CSPP1: variants seen among roughly 807,000 people sequenced by gnomAD.
CSPP1 encodes the protein centrosome and spindle pole-associated protein 1.
In CSPP1, 126 loss-of-function variants were observed where a neutral mutation model predicts 164.4. The ratio of observed to expected loss-of-function variants is 0.77; its 90% CI spans 0.66 to 0.89. CSPP1 has a LOEUF of 0.89. Ranked by LOEUF, CSPP1 falls within the 40% of genes least tolerant of loss-of-function variation. The pLI, the probability that CSPP1 is intolerant of heterozygous loss-of-function variation, is 0.00. For missense variants in CSPP1, 1,395 were observed against 1,449.8 expected (o/e 0.96, Z 0.61); for synonymous variants, 472 against 476.7 (o/e 0.99, Z 0.13).
chr8:67,129,205 C>T (rs1471205120), intron 15 of CSPP1, among the ~76,000 whole-genome samples: 1 of 152,052 alleles, frequency 6.6e-6, no homozygotes, highest in Non-Finnish European at 1.5e-5. Flanking sequence ...GAAAAACTTA[C>T]ATCATGTATT....
intron 28 of CSPP1, among the ~76,000 whole-genome samples, chr8:67,184,021 T>G (rs1833725839): frequency 1.3e-5 from 2 of 151,996 alleles, no homozygotes; most frequent in African/African-American, 4.8e-5. Context: ...CCTGGCTAAT[T>G]TTTGTATTTT....
At chr8:67,111,287 A>G (rs1174324503) in intron 9 of CSPP1, among the ~76,000 whole-genome samples, 3 of 151,998 alleles carry the variant, frequency 2.0e-5, no homozygotes, top group Non-Finnish European at 4.4e-5. Flanking sequence ...AGAGGTTTGT[A>G]TTTTTTCCTG....
intron 22 of CSPP1, among the ~76,000 whole-genome samples, chr8:67,162,771 G>A (rs548817184): frequency 6.6e-6 from 1 of 152,290 alleles, no homozygotes; most frequent in South Asian, 2.1e-4. Flanking sequence ...AGGTGTGACA[G>A]CTTTATGATA....
intron 15 of CSPP1, among the ~76,000 whole-genome samples, chr8:67,126,152 T>A (rs1185626567): frequency 6.6e-6 from 1 of 152,204 alleles, no homozygotes; most frequent in Non-Finnish European, 1.5e-5. Flanking sequence ...TTTAGATACA[T>A]ATTTTTTAGT....
chr8:67,190,639 G>A lies in CSPP1; in HGVS notation c.3221-11G>A. 3 of 1,603,384 alleles carry A rather than the reference G, an allele frequency of 1.9e-6. No individual in the cohort carries two copies. The highest frequency in any genetic ancestry group is 2.6e-6 in the Non-Finnish European group (3 of 1,170,180). On this transcript the variant is annotated splice_polypyrimidine_tract_variant and intron_variant, in intron 28 of 30. Transcript: ENST00000678616. ...TATTAAGACTCCTTCTGCTTTTCGG[G>A]GTCCTCTTAGGGGCTTACGGTGAGA...
At chr8:67,125,821 CAT>C (rs1819942311) in intron 15 of CSPP1, among the ~76,000 whole-genome samples, 1 of 152,098 alleles carries the variant, frequency 6.6e-6, no homozygotes, top group African/African-American at 2.4e-5. Context: ...ATTTGGTAAA[CAT>C]TGTTTTCACA....
intron 3 of CSPP1, among the ~76,000 whole-genome samples, chr8:67,078,285 G>T (rs558499021): frequency 6.6e-6 from 1 of 152,000 alleles, no homozygotes; most frequent in Non-Finnish European, 1.5e-5. Flanking sequence ...AGTTAAATAC[G>T]TGAAAAGATG....
At chr8:67,075,165 ATACT>A (rs1265079999) in intron 2 of CSPP1, among the ~76,000 whole-genome samples, 1 of 152,212 alleles carries the variant, frequency 6.6e-6, no homozygotes, top group African/African-American at 2.4e-5. Context: ...CATTTAGCAA[ATACT>A]TACTGAGATT....
chr8:67,113,923 G>A, intron 11 of CSPP1, 61 bp downstream of exon 11: 2 of 957,640 alleles, frequency 2.1e-6, no homozygotes, highest in Non-Finnish European at 3.3e-6. Flanking sequence ...CAAATGTGGT[G>A]GCAGGTGGGG....
At chr8:67,108,724 TC>T (rs1816184561) in intron 9 of CSPP1, among the ~76,000 whole-genome samples, 1 of 152,158 alleles carries the variant, frequency 6.6e-6, no homozygotes, top group African/African-American at 2.4e-5. Context: ...GATGGGTCTT[TC>T]TCAACATTAC....
In CSPP1 at chr8:67,158,736, T is replaced by C. The variant is rs943709154; in HGVS notation, c.2391+140T>C. 1.5e-5 allele frequency: 17 copies of C among 1,163,720 alleles called. No homozygotes were observed. In the African/African-American group the frequency reaches 2.7e-4, roughly 18 times the overall value. The allele number at this position is 1,163,720 out of a possible 1,614,324, so 72.1% of individuals were successfully genotyped here. A position where few individuals can be genotyped will look rare whatever the true frequency, so the allele number is the denominator to read the frequency against. On this transcript the variant is annotated intron_variant, in intron 20 of 30. Transcript: ENST00000678616. Reference sequence around the variant, plus strand: ...ATCAGATCAATATACATTCTTTGGATATTATTTTATTAAGGTGAAAGGGTA... The same window carrying C: ...ATCAGATCAATATACATTCTTTGGACATTATTTTATTAAGGTGAAAGGGTA...
intron 17 of CSPP1, among the ~76,000 whole-genome samples, chr8:67,148,625 C>G (rs1167850459): frequency 6.6e-6 from 1 of 152,164 alleles, no homozygotes; most frequent in Non-Finnish European, 1.5e-5. Context: ...CATGTTCTAT[C>G]TGGAATTCTA....
At chr8:67,126,809 G>A (rs1820168971) in intron 15 of CSPP1, among the ~76,000 whole-genome samples, 1 of 151,982 alleles carries the variant, frequency 6.6e-6, no homozygotes, top group Non-Finnish European at 1.5e-5. Flanking sequence ...GCCCTGGCTG[G>A]TATCACTGTT....
chr8:67,179,463 C>T lies in CSPP1; in HGVS notation c.3157-400C>T, dbSNP rs72654951. On this transcript the variant is annotated intron_variant, in intron 27 of 30. Transcript: ENST00000678616. ...TGGGCTATACAGGTTTATGGAAATTCGGATGAATGAATCTTGGCAGTGGCT... is the reference window on the plus strand; with the variant it reads ...TGGGCTATACAGGTTTATGGAAATTTGGATGAATGAATCTTGGCAGTGGCT... Among the ~76,000 whole-genome samples the T allele has an allele frequency of 8.5e-3, 1,300 of 152,246 alleles. 5 individuals are homozygous for T. The highest frequency in any genetic ancestry group is 0.014 in the Non-Finnish European group (975 of 68,032).
Position 67,111,985 on chromosome 8 carries a change from A to G in CSPP1, c.1107A>G (p.Arg369=), listed in dbSNP as rs1347484599. ...ACCACTATCTAGGAGGTGAAGATCG[A>G]GAACTTATTCAGAGAAGGAAAGAGA... ...FAGMLFGGED[R]ELIQRRKEKY... Residue 369 remains arginine (R), a synonymous_variant, in exon 10 of 31, where the codon CGA becomes CGG. Transcript: ENST00000678616. 2.5e-6 allele frequency: 4 copies of G among 1,608,100 alleles called. No homozygotes were observed. Among genetic ancestry groups the G allele is most frequent in the Non-Finnish European group, 3.4e-6 (4 of 1,176,184 alleles).
At chr8:67,167,519 AG>A (rs1829623872) in intron 24 of CSPP1, among the ~76,000 whole-genome samples, 1 of 147,042 alleles carries the variant, frequency 6.8e-6, no homozygotes, top group Admixed American at 6.7e-5. Flanking sequence ...TGCCGGGCGG[AG>A]GGGCTCCTCA....
At chr8:67,111,373 G>C (rs529161728) in intron 9 of CSPP1, among the ~76,000 whole-genome samples, 71 of 152,266 alleles carry the variant, frequency 4.7e-4, no homozygotes, top group African/African-American at 1.7e-3. Context: ...TAGTGTACTG[G>C]ATCTATTGGA....
intron 25 of CSPP1, 107 bp downstream of exon 25, chr8:67,172,662 G>T: frequency 3.2e-6 from 3 of 951,904 alleles, no homozygotes; most frequent in South Asian, 2.1e-5. Context: ...TTTTATCTAT[G>T]GTATGTATTT....
chr8:67,142,891 G>A (rs1254197893), intron 17 of CSPP1, among the ~76,000 whole-genome samples: 3 of 152,122 alleles, frequency 2.0e-5, no homozygotes, highest in Non-Finnish European at 4.4e-5. Flanking sequence ...TTTAAAAAAA[G>A]CTTTTTCTAT....
Sources: allele counts gnomAD v4.1 joint callset (sites outside exome capture counted in the v4.1 genomes callset), GRCh38; gene constraint gnomAD v4.1.1; transcripts MANE v1.5; gene names NCBI Gene and HGNC (gene_info 2026-07-23, HGNC 2026-07-21).